Variants in C4orf51 observed in about 807,000 individuals in gnomAD.
The protein encoded by C4orf51 is chromosome 4 open reading frame 51, also known as uncharacterized protein C4orf51.
A neutral mutation model predicts 25.2 loss-of-function variants in C4orf51; 25 were observed. The ratio of observed to expected loss-of-function variants is 0.99; its 90% CI spans 0.72 to 1.39. The LOEUF is 1.39. C4orf51 is among the 40% of genes most tolerant of loss of function. C4orf51 has a pLI of 0.00. For synonymous variants in C4orf51, 100 were observed against 84.5 expected (o/e 1.18, Z -1.01); for missense variants, 252 against 239.6 (o/e 1.05, Z -0.34).
chr4:145,687,867 G>A (rs1729270576), intron 1 of C4orf51, among the ~76,000 whole-genome samples: 1 of 151,960 alleles, frequency 6.6e-6, no homozygotes. Context: ...TTTAAGTAAA[G>A]AAAAAGCACA....
At chr4:145,749,986 C>T (rs1193592838) in intron 1 of C4orf51, among the ~76,000 whole-genome samples, 1 of 152,164 alleles carries the variant, frequency 6.6e-6, no homozygotes, top group African/African-American at 2.4e-5. Flanking sequence ...CCTAAAAAAT[C>T]AAACAAGCAA....
intron 2 of C4orf51, among the ~76,000 whole-genome samples, chr4:145,697,085 CCTA>C (rs1349631580): frequency 6.8e-6 from 1 of 147,128 alleles, no homozygotes; most frequent in Non-Finnish European, 1.5e-5. Context: ...CAAAAACAGA[CCTA>C]CTCTCTTAGC....
At chr4:145,718,719 C>T (rs914864992) in intron 2 of C4orf51, among the ~76,000 whole-genome samples, 31 of 152,212 alleles carry the variant, frequency 2.0e-4, no homozygotes, top group Admixed American at 1.7e-3. Flanking sequence ...TGTGACCTTG[C>T]CTATCTTTCC....
Position 145,680,396 on chromosome 4 carries a change from TTTTC to T in C4orf51, c.197_200del (p.Ser66LeufsTer15). The T allele has an allele frequency of 6.2e-7, 1 of 1,613,966 alleles. No homozygotes were observed. The highest frequency in any genetic ancestry group is 8.5e-7 in the Non-Finnish European group (1 of 1,179,840). On this transcript the variant is annotated frameshift_variant, in exon 1 of 6. Transcript: ENST00000438731. LOFTEE classifies it high-confidence loss of function. Reference sequence around the variant, plus strand: ...ACTGGACAAGTCCATGTGCAGCCAATTTTCTTTTAGAGCAGGACAGCATGAGCCT... The same window carrying T: ...ACTGGACAAGTCCATGTGCAGCCAATTTTTAGAGCAGGACAGCATGAGCCT...
At chr4:145,774,831 T>A (rs937465306), downstream of C4orf51, among the ~76,000 whole-genome samples, 1 of 152,194 alleles carries the variant, frequency 6.6e-6, no homozygotes, top group African/African-American at 2.4e-5. Context: ...TTCTTCTGCT[T>A]TCTGGGATGC....
rs1734421167 is a variant in C4orf51, at chr4:145,761,118, G to A, written n.167-9870G>A. On this transcript the variant is annotated intron_variant and non_coding_transcript_variant, in intron 1 of 1. Coordinates refer to the C4orf51 transcript ENST00000510096. This position sits in a 1 kb window ranked among gnomAD's most constrained non-coding sequence, Gnocchi z 6.8. ...GATTCCGGGAGCTCCCGACCACCAG[G>A]AGCGGGGCCCCCGGGCCGGCCGGTT... 1 of 1,289,634 alleles carries A rather than the reference G, an allele frequency of 7.8e-7. No individual in the cohort carries two copies. The highest frequency in any genetic ancestry group is 1.0e-6 in the Non-Finnish European group (1 of 988,734). The allele number at this position is 1,289,634 out of a possible 1,614,324, so 79.9% of individuals were successfully genotyped here.
At chr4:145,744,852 C>CAA (rs5862745) in intron 1 of C4orf51, among the ~76,000 whole-genome samples, 68 of 136,254 alleles carry the variant, frequency 5.0e-4, no homozygotes, top group African/African-American at 1.3e-3. Context: ...AACTCTGTCT[C>CAA]AAAAAAAAAA....
chr4:145,696,289 G>A (rs1049309417), intron 1 of C4orf51, among the ~76,000 whole-genome samples: 5 of 152,042 alleles, frequency 3.3e-5, no homozygotes, highest in African/African-American at 1.2e-4. Flanking sequence ...CAGACACTGG[G>A]GTCTACTGGA....
the C4orf51 span, among the ~76,000 whole-genome samples, chr4:145,778,882 C>A: frequency 6.6e-6 from 1 of 152,050 alleles, no homozygotes; most frequent in Admixed American, 6.5e-5. Flanking sequence ...GCTGTGTGGA[C>A]TAAGTTACTA....
intron 2 of C4orf51, among the ~76,000 whole-genome samples, chr4:145,710,124 T>C (rs1469992994): frequency 6.6e-6 from 1 of 152,148 alleles, no homozygotes; most frequent in Non-Finnish European, 1.5e-5. Flanking sequence ...TGTATTTGAG[T>C]CATGGCACCA....
At chr4:145,694,356 C>G (rs1279479184) in intron 1 of C4orf51, among the ~76,000 whole-genome samples, 1 of 146,494 alleles carries the variant, frequency 6.8e-6, no homozygotes, top group Non-Finnish European at 1.5e-5. Context: ...CTCACTGCCC[C>G]GTCCGGGAGG....
At chr4:145,777,879 T>C in the C4orf51 span, among the ~76,000 whole-genome samples, 8 of 152,182 alleles carry the variant, frequency 5.3e-5, no homozygotes, top group African/African-American at 1.9e-4. Context: ...TCCTTTTAGA[T>C]GTCTGTTATT....
the C4orf51 span, among the ~76,000 whole-genome samples, chr4:145,785,986 C>T: frequency 2.6e-5 from 4 of 152,094 alleles, no homozygotes; most frequent in Admixed American, 2.0e-4. Flanking sequence ...TCAAAACTTA[C>T]AATAAAGAAG....
downstream of C4orf51, chr4:145,759,261 A>T (rs963392088): frequency 1.2e-4 from 19 of 152,236 alleles, no homozygotes; most frequent in African/African-American, 4.6e-4. Flanking sequence ...AGCAATGAAC[A>T]TATTCAGCCA....
the C4orf51 span, among the ~76,000 whole-genome samples, chr4:145,781,952 G>A: frequency 1.3e-5 from 2 of 152,138 alleles, no homozygotes; most frequent in African/African-American, 4.8e-5. Flanking sequence ...TCATGTACTC[G>A]AGAAGCTGAA....
At chr4:145,792,225 C>T in the C4orf51 span, among the ~76,000 whole-genome samples, 1 of 152,052 alleles carries the variant, frequency 6.6e-6, no homozygotes, top group African/African-American at 2.4e-5. Context: ...CTGCTGTGAA[C>T]ACAACGTTCC....
rs1287207299 is a variant in C4orf51, at chr4:145,761,693, C to G, written n.167-9295C>G. On this transcript the variant is annotated intron_variant and non_coding_transcript_variant, in intron 1 of 1. Coordinates refer to the C4orf51 transcript ENST00000510096. The surrounding 1 kb of genome is among the most constrained non-coding windows in gnomAD (Gnocchi z 6.8). ...TCACCAGCCTTCCCTCACACCACCC[C>G]CCAGTGTCTGAGGCCTGGCCTGCCC... 8.9e-6 allele frequency: 7 copies of G among 787,632 alleles called. 1 individual carries two copies. The highest frequency in any genetic ancestry group is 6.7e-5 in the South Asian group (4 of 59,446). The allele number at this position is 787,632 out of a possible 1,614,324, so 48.8% of individuals were successfully genotyped here.
chr4:145,746,126 T>C (rs1345180445), intron 1 of C4orf51, among the ~76,000 whole-genome samples: 1 of 152,212 alleles, frequency 6.6e-6, no homozygotes, highest in Non-Finnish European at 1.5e-5. Context: ...ACTAATCCCT[T>C]GTCAGATGGG....
chr4:145,712,992 A>C (rs1404798449), intron 2 of C4orf51, among the ~76,000 whole-genome samples: 1 of 152,258 alleles, frequency 6.6e-6, no homozygotes, highest in Non-Finnish European at 1.5e-5. Context: ...GGGACAACAA[A>C]GCCCGAATGA....
Sources: gnomAD v4.1 joint callset for allele counts (sites outside exome capture counted in the v4.1 genomes callset) on GRCh38, gnomAD v4.1.1 for gene constraint, Gnocchi (gnomAD v3.1) non-coding constraint, MANE v1.5 for transcripts, NCBI Gene and HGNC (gene_info 2026-07-23, HGNC 2026-07-21) for gene names.